TRIM71: variants seen among roughly 807,000 people sequenced by gnomAD.
TRIM71 encodes the protein tripartite motif containing 71, also known as E3 ubiquitin-protein ligase TRIM71.
Under a neutral mutation model 61.2 loss-of-function variants are expected in TRIM71, and 9 were observed. The observed-to-expected ratio is 0.15, with a 90% CI of 0.09 to 0.26. The LOEUF is 0.26. TRIM71 is among the 10% of genes least tolerant of loss of function. The probability of loss-of-function intolerance (pLI) is 1.00; values close to 1 mark genes in which losing one functional copy is unlikely to be tolerated. For synonymous variants in TRIM71, 645 were observed against 553.2 expected, an observed-to-expected ratio of 1.17 and a Z score of -2.33; for missense variants, 998 against 1,238.7, an observed-to-expected ratio of 0.81 and a Z score of 2.92.
rs1034193969 is a variant in TRIM71, at chr3:32,894,091, T to C, written c.*2280T>C. 1.3e-5 allele frequency: 2 copies of C among 152,204 alleles called. No homozygotes were observed. The highest frequency in any genetic ancestry group is 2.9e-5 in the Non-Finnish European group (2 of 68,030). 9.4% of individuals were successfully genotyped at this position (152,204 alleles called of 1,614,324 possible). ...AGCTCTAAGTTCTTTGGTAAAGAGT[T>C]AATATAATTAAACATTTTTACTGTT... On this transcript the variant is annotated 3_prime_UTR_variant, in exon 4 of 4. Coordinates refer to ENST00000383763, the MANE Select transcript of TRIM71 (RefSeq NM_001039111.3).
chr3:32,889,053 C>T (rs548595770), intron 3 of TRIM71, among the ~76,000 whole-genome samples: 1 of 152,346 alleles, frequency 6.6e-6, no homozygotes, highest in South Asian at 2.1e-4. Flanking sequence ...CTGTCTTTCA[C>T]ATCCTTTTTC....
At chr3:32,839,137 G>A (rs1696373840) in intron 1 of TRIM71, among the ~76,000 whole-genome samples, 1 of 152,086 alleles carries the variant, frequency 6.6e-6, no homozygotes, top group Non-Finnish European at 1.5e-5. Flanking sequence ...TTCACTTCAG[G>A]GGTGTGAGTG....
intron 1 of TRIM71, among the ~76,000 whole-genome samples, chr3:32,822,255 A>T (rs896340774): frequency 6.6e-6 from 1 of 152,116 alleles, no homozygotes; most frequent in Non-Finnish European, 1.5e-5. Flanking sequence ...CCACCCGAGG[A>T]TGGCAATATT....
In TRIM71 at chr3:32,854,229, A is replaced by G. The variant is rs1696572025; in HGVS notation, c.853-19589A>G. The stretch of plus-strand genomic sequence containing the variant: ...GGGTGGTCTCAAACTCCTTGACTCA[A>G]GTGGTCTGCTCATCTCGGCTTCCCA... On this transcript the variant is annotated intron_variant, in intron 1 of 3. Coordinates refer to ENST00000383763, the MANE Select transcript of TRIM71 (RefSeq NM_001039111.3). Among the ~76,000 whole-genome samples, 4 of 152,128 alleles carry G rather than the reference A, an allele frequency of 2.6e-5. No homozygotes were observed. The South Asian group carries it at 8.3e-4, about 32-fold the overall frequency.
intron 1 of TRIM71, among the ~76,000 whole-genome samples, chr3:32,838,216 C>T (rs905843441): frequency 6.6e-6 from 1 of 151,908 alleles, no homozygotes; most frequent in African/African-American, 2.4e-5. Flanking sequence ...GTACTATATG[C>T]TTATTATTAT....
intron 1 of TRIM71, among the ~76,000 whole-genome samples, chr3:32,845,988 A>T (rs1246110822): frequency 1.4e-5 from 2 of 140,436 alleles, no homozygotes; most frequent in Non-Finnish European, 3.1e-5. Flanking sequence ...ATCCTTTTTT[A>T]AAAAACGGAG....
chr3:32,827,268 CTT>C (rs369755706), intron 1 of TRIM71, among the ~76,000 whole-genome samples: 24 of 129,540 alleles, frequency 1.9e-4, no homozygotes, highest in Non-Finnish European at 1.5e-4. Context: ...GGGGATAATT[CTT>C]TTTTTTTTTT....
intron 1 of TRIM71, among the ~76,000 whole-genome samples, chr3:32,867,207 G>A (rs1446924492): frequency 1.3e-5 from 2 of 151,382 alleles, no homozygotes; most frequent in African/African-American, 4.9e-5. Flanking sequence ...ATCTTCACAT[G>A]TTATATTGCT....
chr3:32,883,580 T>C (rs1696931156), intron 2 of TRIM71, among the ~76,000 whole-genome samples: 1 of 152,224 alleles, frequency 6.6e-6, no homozygotes, highest in South Asian at 2.1e-4. Flanking sequence ...AAGATTCAAC[T>C]TAATCTACTA....
rs191475525 is a variant in TRIM71 at position 32,840,336 on chromosome 3, A to G, written c.852+21404A>G. Reference sequence around the variant, plus strand: ...TTTTAAATAGGCCAACAAACCCCGCATTCTGTGCTTTGAAGGACAGTAAAA... The same window carrying G: ...TTTTAAATAGGCCAACAAACCCCGCGTTCTGTGCTTTGAAGGACAGTAAAA... On this transcript the variant is annotated intron_variant, in intron 1 of 3. Transcript: ENST00000383763. Among the ~76,000 whole-genome samples, 345 of 151,798 alleles carry G rather than the reference A, an allele frequency of 2.3e-3. 3 individuals are homozygous for G. The highest frequency in any genetic ancestry group is 1.8e-3 in the Non-Finnish European group (125 of 67,978).
intron 1 of TRIM71, among the ~76,000 whole-genome samples, chr3:32,868,628 G>A (rs1168093340): frequency 1.4e-5 from 2 of 147,590 alleles, no homozygotes; most frequent in African/African-American, 5.0e-5. Flanking sequence ...GTTACGCCTA[G>A]AATAAAGCTT....
Position 32,890,234 on chromosome 3 carries a change from T to C in TRIM71, c.1156-126T>C. 1 of 1,320,472 alleles carries C rather than the reference T, an allele frequency of 7.6e-7. No homozygotes were observed. Among genetic ancestry groups the C allele is most frequent in the Non-Finnish European group, 1.0e-6 (1 of 967,572 alleles). The allele number at this position is 1,320,472 out of a possible 1,614,324, so 81.8% of individuals were successfully genotyped here. A position where few individuals can be genotyped will look rare whatever the true frequency, so the allele number is the denominator to read the frequency against. ...TGCTTTTGAAGAAAGACAGATGTCTTTTGTAGACCATCCCACAATATGTGT... is the reference window on the plus strand; with the variant it reads ...TGCTTTTGAAGAAAGACAGATGTCTCTTGTAGACCATCCCACAATATGTGT... On this transcript the variant is annotated intron_variant, in intron 3 of 3. Transcript: ENST00000383763. This position sits in a 1 kb window ranked among gnomAD's most constrained non-coding sequence, Gnocchi z 6.2.
intron 2 of TRIM71, among the ~76,000 whole-genome samples, chr3:32,879,375 C>A (rs1696883948): frequency 6.6e-6 from 1 of 152,160 alleles, no homozygotes; most frequent in Non-Finnish European, 1.5e-5. Flanking sequence ...GTGTAAGAGG[C>A]CTAGCTTTCA....
intron 1 of TRIM71, among the ~76,000 whole-genome samples, chr3:32,830,954 G>T (rs1012789816): frequency 6.6e-6 from 1 of 152,146 alleles, no homozygotes; most frequent in Non-Finnish European, 1.5e-5. Flanking sequence ...GGGATTACAG[G>T]CGCCCGCCAC....
intron 1 of TRIM71, among the ~76,000 whole-genome samples, chr3:32,832,733 AT>A (rs375074904): frequency 2.0e-5 from 3 of 152,140 alleles, no homozygotes; most frequent in Admixed American, 6.5e-5. Context: ...CTTTTACCTA[AT>A]TTTTTCTACT....
At chr3:32,877,992 G>A (rs192839635) in intron 2 of TRIM71, among the ~76,000 whole-genome samples, 3 of 152,298 alleles carry the variant, frequency 2.0e-5, no homozygotes, top group African/African-American at 7.2e-5. Context: ...TACCACACAT[G>A]TTCTTAATGG....
At chr3:32,848,236 G>A (rs939485869) in intron 1 of TRIM71, among the ~76,000 whole-genome samples, 3 of 152,172 alleles carry the variant, frequency 2.0e-5, no homozygotes, top group Non-Finnish European at 4.4e-5. Context: ...TATACTGTGC[G>A]CATGATGAAA....
chr3:32,836,434 T>A (rs1421861989), intron 1 of TRIM71, among the ~76,000 whole-genome samples: 1 of 152,230 alleles, frequency 6.6e-6, no homozygotes, highest in Non-Finnish European at 1.5e-5. Flanking sequence ...GCATTTTGGA[T>A]AAATACTGAT....
intron 1 of TRIM71, among the ~76,000 whole-genome samples, chr3:32,829,804 CCTAGT>C (rs901130699): frequency 3.9e-5 from 6 of 151,986 alleles, no homozygotes; most frequent in African/African-American, 1.5e-4. Context: ...TGTCCTGACT[CCTAGT>C]CTAGCACTCT....
Sources: allele counts gnomAD v4.1 joint callset (sites outside exome capture counted in the v4.1 genomes callset), GRCh38; gene constraint gnomAD v4.1.1; non-coding constraint Gnocchi (gnomAD v3.1); transcripts MANE v1.5; gene names NCBI Gene and HGNC (gene_info 2026-07-23, HGNC 2026-07-21).